The following NEK10 variants were observed in gnomAD, a reference collection of about 807,000 sequenced individuals.
The protein encoded by NEK10 is serine/threonine-protein kinase Nek10.
In NEK10, 122 loss-of-function variants were observed where a neutral mutation model predicts 159.8. The observed-to-expected ratio is 0.76, with a 90% CI of 0.66 to 0.89. The LOEUF is 0.89. NEK10 is among the 40% of genes least tolerant of loss of function. NEK10 has a pLI of 0.00. For missense variants in NEK10, 1,342 were observed against 1,323.1 expected (o/e 1.01, Z -0.22); for synonymous variants, 466 against 457.1 (o/e 1.02, Z -0.25).
chr3:27,219,723 T>C (rs578241894), intron 23 of NEK10, among the ~76,000 whole-genome samples: 1 of 152,338 alleles, frequency 6.6e-6, no homozygotes, highest in African/African-American at 2.4e-5. Flanking sequence ...GAATTTCTAG[T>C]TGAGTCACTT....
At chr3:27,218,798 C>G (rs1033146292) in intron 23 of NEK10, among the ~76,000 whole-genome samples, 2 of 149,030 alleles carry the variant, frequency 1.3e-5, no homozygotes, top group African/African-American at 4.9e-5. Flanking sequence ...TGACGAAGTC[C>G]AACTGTCTTT....
chr3:27,138,504 C>A (rs1943453270), intron 31 of NEK10, among the ~76,000 whole-genome samples: 1 of 152,184 alleles, frequency 6.6e-6, no homozygotes, highest in South Asian at 2.1e-4. Context: ...GTTGTGACTT[C>A]TTTTTGTGCT....
rs186743472 is a variant in NEK10, at chr3:27,283,022, A to T, written c.2014+1580T>A. On this transcript the variant is annotated intron_variant, in intron 22 of 35. Transcript: ENST00000691995. Reference sequence around the variant, plus strand: ...CATTGGCTTCGAAATATTTCCAAGTAGCTTTGTATTGAAGGTTATCTAGAG... The same window carrying T: ...CATTGGCTTCGAAATATTTCCAAGTTGCTTTGTATTGAAGGTTATCTAGAG... Among the ~76,000 whole-genome samples, 15 of 152,192 alleles carry T rather than the reference A, an allele frequency of 9.9e-5. No homozygotes were observed. The East Asian group carries it at 2.9e-3, about 29-fold the overall frequency.
intron 22 of NEK10, among the ~76,000 whole-genome samples, chr3:27,260,431 C>A (rs867162046): frequency 6.6e-6 from 1 of 152,008 alleles, no homozygotes. Context: ...TAGCATGAAG[C>A]GTTGTTGAAT....
rs183076716 is a variant in NEK10 at position 27,189,043 on chromosome 3, T to C, written c.2505+2986A>G. Among the ~76,000 whole-genome samples, 10 of 152,276 alleles carry C rather than the reference T, an allele frequency of 6.6e-5. No homozygotes were observed. The East Asian group carries it at 1.9e-3, about 29-fold the overall frequency. On this transcript the variant is annotated intron_variant, in intron 26 of 35. Transcript: ENST00000691995. ...ATATTCTAATTATTACACATTTAAG[T>C]TAAAATTTTATTTCCTTTTACTCTA...
chr3:27,266,210 T>C (rs1174296206), intron 22 of NEK10, among the ~76,000 whole-genome samples: 3 of 152,216 alleles, frequency 2.0e-5, no homozygotes, highest in Admixed American at 2.0e-4. Flanking sequence ...AATTTATTAG[T>C]TTATTTTACA....
chr3:27,268,152 T>C (rs993201347), intron 22 of NEK10, among the ~76,000 whole-genome samples: 1 of 152,218 alleles, frequency 6.6e-6, no homozygotes, highest in African/African-American at 2.4e-5. Context: ...GTCTGGAAGC[T>C]AGCAGAGGTT....
intron 3 of NEK10, among the ~76,000 whole-genome samples, chr3:27,348,572 C>T (rs1307979453): frequency 1.3e-5 from 2 of 152,124 alleles, no homozygotes; most frequent in Non-Finnish European, 2.9e-5. Context: ...TGTGTCTGAT[C>T]TCTCCACACC....
At chr3:27,241,748 A>G (rs1361200613) in intron 23 of NEK10, among the ~76,000 whole-genome samples, 1 of 152,224 alleles carries the variant, frequency 6.6e-6, no homozygotes, top group Non-Finnish European at 1.5e-5. Context: ...ACCCAAACTA[A>G]GAGACAAGAG....
At chr3:27,215,749 A>G (rs960779839) in intron 23 of NEK10, 24 of 712,962 alleles carry the variant, frequency 3.4e-5, no homozygotes, top group African/African-American at 3.5e-5. Flanking sequence ...CAGGCTGTAC[A>G]GGAACCATGA....
At position 27,240,622 on chromosome 3, in the gene NEK10, C is replaced by T. The variant is rs190121898; in HGVS notation, c.2090+15674G>A. Among the ~76,000 whole-genome samples, 16 of 151,544 alleles carry T rather than the reference C, an allele frequency of 1.1e-4. No homozygotes were observed. The East Asian group carries it at 2.7e-3, about 26-fold the overall frequency. ...GACCCTCACAGGAGAATATTCTTAC[C>T]TCATTCTGATTTACTTTTATTACTA... is the stretch of plus-strand genomic sequence containing the variant. On this transcript the variant is annotated intron_variant, in intron 23 of 35. Transcript: ENST00000691995.
chr3:27,291,476 G>A lies in NEK10; in HGVS notation c.1476+8C>T. The A allele has an allele frequency of 1.2e-6, 2 of 1,603,102 alleles. No individual in the cohort carries two copies. The highest frequency in any genetic ancestry group is 4.5e-5 in the East Asian group (2 of 44,806). On this transcript the variant is annotated splice_region_variant and intron_variant, in intron 17 of 35. Coordinates refer to ENST00000691995, the MANE Select transcript of NEK10 (RefSeq NM_001394966.1). Reference sequence around the variant, plus strand: ...AGCCTGCCAAAATATTGAAAACTCAGGACTTACCACTAATAAATTCAGCTT... The same window carrying A: ...AGCCTGCCAAAATATTGAAAACTCAAGACTTACCACTAATAAATTCAGCTT...
chr3:27,112,039 G>A (rs1939643454), intron 35 of NEK10, among the ~76,000 whole-genome samples: 1 of 152,190 alleles, frequency 6.6e-6, no homozygotes, highest in Admixed American at 6.5e-5. Context: ...CTTTTTCCCA[G>A]AAGCCCAGAA....
chr3:27,345,234 T>C (rs2047471433), intron 4 of NEK10, among the ~76,000 whole-genome samples: 1 of 152,224 alleles, frequency 6.6e-6, no homozygotes, highest in Non-Finnish European at 1.5e-5. Flanking sequence ...CAGATGCCAT[T>C]GGACAGCATG....
intron 23 of NEK10, among the ~76,000 whole-genome samples, chr3:27,231,021 G>C (rs1009986818): frequency 6.6e-6 from 1 of 151,748 alleles, no homozygotes; most frequent in African/African-American, 2.4e-5. Flanking sequence ...GACTTAACAG[G>C]TATTTACAGA....
At chr3:27,173,409 T>C (rs187255785) in intron 28 of NEK10, among the ~76,000 whole-genome samples, 1 of 152,326 alleles carries the variant, frequency 6.6e-6, no homozygotes, top group East Asian at 1.9e-4. Flanking sequence ...TACATGTTTA[T>C]ATGCATAAAT....
chr3:27,298,619 G>A (rs2043554279), intron 13 of NEK10, among the ~76,000 whole-genome samples: 1 of 152,178 alleles, frequency 6.6e-6, no homozygotes, highest in Non-Finnish European at 1.5e-5. Flanking sequence ...AATTTGGAGG[G>A]CTCACAAGAA....
intron 30 of NEK10, among the ~76,000 whole-genome samples, chr3:27,156,212 T>C (rs1298923886): frequency 6.6e-6 from 1 of 151,960 alleles, no homozygotes; most frequent in Non-Finnish European, 1.5e-5. Context: ...TCTAGAATTC[T>C]AGAAAAATCC....
At chr3:27,172,891 A>G (rs955654856) in intron 28 of NEK10, among the ~76,000 whole-genome samples, 2 of 152,202 alleles carry the variant, frequency 1.3e-5, no homozygotes, top group African/African-American at 4.8e-5. Context: ...AATGGTAGGT[A>G]GGAAATATTC....
Sources: allele counts gnomAD v4.1 joint callset (sites outside exome capture counted in the v4.1 genomes callset), GRCh38; gene constraint gnomAD v4.1.1; transcripts MANE v1.5; gene names NCBI Gene and HGNC (gene_info 2026-07-23, HGNC 2026-07-21).